The following SKIC3 variants were observed in gnomAD, a reference collection of about 807,000 sequenced individuals.
SKIC3 encodes superkiller complex protein 3.
At chr5:95,475,599 C>T in the SKIC3 span, among the ~76,000 whole-genome samples, 4 of 152,210 alleles carry the variant, frequency 2.6e-5, no homozygotes, top group African/African-American at 9.6e-5. Flanking sequence ...TATAAATGAC[C>T]CTATCTCAGG....
chr5:95,492,629 T>TC, the SKIC3 span, among the ~76,000 whole-genome samples: 75 of 55,304 alleles, frequency 1.4e-3, 1 homozygote, highest in Admixed American at 5.9e-3. Context: ...AGAGCGAGAC[T>TC]CCGTCTCAAA....
the SKIC3 span, chr5:95,502,743 A>G: frequency 9.8e-5 from 101 of 1,029,988 alleles, no homozygotes; most frequent in Non-Finnish European, 3.1e-5. Flanking sequence ...GTGACTATCA[A>G]TTCAGAACCA....
the SKIC3 span, chr5:95,516,812 TA>T: frequency 3.4e-4 from 533 of 1,581,858 alleles, 2 homozygotes; most frequent in African/African-American, 6.6e-3. Flanking sequence ...TATATCAAGA[TA>T]TATGTGGTTT....
the SKIC3 span, among the ~76,000 whole-genome samples, chr5:95,474,441 G>A: frequency 6.6e-6 from 1 of 152,174 alleles, no homozygotes; most frequent in Non-Finnish European, 1.5e-5. Flanking sequence ...CTGAAAATAG[G>A]TGCCAAACTC....
the SKIC3 span, chr5:95,495,064 T>A: frequency 7.5e-5 from 119 of 1,593,196 alleles, 3 homozygotes; most frequent in South Asian, 7.9e-4. Context: ...GAAACTTTCA[T>A]GAAAAAGAAA....
At chr5:95,523,834 C>T in the SKIC3 span, 1 of 1,612,196 alleles carries the variant, frequency 6.2e-7, no homozygotes, top group Non-Finnish European at 8.5e-7. Context: ...AGTCTTGCAG[C>T]CTTTGAAATA....
chr5:95,525,828 T>C, the SKIC3 span, among the ~76,000 whole-genome samples: 2 of 152,178 alleles, frequency 1.3e-5, no homozygotes, highest in Non-Finnish European at 2.9e-5. Context: ...ATCTTCACTC[T>C]TCATAACCTT....
the SKIC3 span, among the ~76,000 whole-genome samples, chr5:95,521,113 A>C: frequency 4.5e-3 from 687 of 152,140 alleles, 20 homozygotes; most frequent in Admixed American, 0.042. Flanking sequence ...GGCTACAAAA[A>C]ATGTGGATAT....
At chr5:95,470,378 C>A in the SKIC3 span, among the ~76,000 whole-genome samples, 4 of 152,086 alleles carry the variant, frequency 2.6e-5, no homozygotes, top group Non-Finnish European at 5.9e-5. Context: ...GATCCCTGCT[C>A]TAAAGGAGCT....
the SKIC3 span, chr5:95,514,749 A>C: frequency 8.6e-7 from 1 of 1,160,792 alleles, no homozygotes; most frequent in African/African-American, 1.5e-5. Context: ...ACTGGCACAA[A>C]GTAAGCCCTC....
chr5:95,548,942 A>G, the SKIC3 span, among the ~76,000 whole-genome samples: 9 of 152,082 alleles, frequency 5.9e-5, no homozygotes, highest in Non-Finnish European at 1.3e-4. Context: ...CAAACAAGGC[A>G]GGACCAACCA....
the SKIC3 span, among the ~76,000 whole-genome samples, chr5:95,493,009 T>A: frequency 6.6e-6 from 1 of 152,144 alleles, no homozygotes; most frequent in African/African-American, 2.4e-5. Flanking sequence ...TTTTAAAATA[T>A]AGCTTGCTAA....
chr5:95,512,610 T>C, the SKIC3 span: 1 of 1,613,952 alleles, frequency 6.2e-7, no homozygotes, highest in Non-Finnish European at 8.5e-7. Context: ...AACCTAATGC[T>C]CCTTCAGTCT....
At chr5:95,475,566 G>A in the SKIC3 span, among the ~76,000 whole-genome samples, 2 of 152,128 alleles carry the variant, frequency 1.3e-5, no homozygotes, top group East Asian at 1.9e-4. Flanking sequence ...GTGGAACTAT[G>A]AGCCAATTAA....
At chr5:95,538,540 ATATT>A in the SKIC3 span, among the ~76,000 whole-genome samples, 2 of 152,156 alleles carry the variant, frequency 1.3e-5, no homozygotes, top group Non-Finnish European at 2.9e-5. Flanking sequence ...TATAGAGTCT[ATATT>A]TGTTTATTTA....
the SKIC3 span, chr5:95,494,595 A>G: frequency 7.6e-7 from 1 of 1,314,272 alleles, no homozygotes; most frequent in Non-Finnish European, 1.1e-6. Flanking sequence ...TAAAATATAT[A>G]TTGTGTGCAA....
chr5:95,531,800 A>G, the SKIC3 span, among the ~76,000 whole-genome samples: 136 of 152,284 alleles, frequency 8.9e-4, 2 homozygotes, highest in East Asian at 0.017. Context: ...TATTAGTCTT[A>G]TAACATGTAT....
the SKIC3 span, among the ~76,000 whole-genome samples, chr5:95,500,999 T>C: frequency 2.0e-5 from 3 of 152,154 alleles, no homozygotes; most frequent in East Asian, 1.9e-4. Flanking sequence ...TTAAAGTATC[T>C]ATAGTAACTC....
chr5:95,531,955 G>A, the SKIC3 span, among the ~76,000 whole-genome samples: 1 of 152,032 alleles, frequency 6.6e-6, no homozygotes, highest in African/African-American at 2.4e-5. Flanking sequence ...AAAAGGCTTA[G>A]TCTGTTAATA....
Sources: allele counts gnomAD v4.1 joint callset (sites outside exome capture counted in the v4.1 genomes callset), GRCh38; gene constraint gnomAD v4.1.1; transcripts MANE v1.5; gene names NCBI Gene and HGNC (gene_info 2026-07-23, HGNC 2026-07-21).